STARD3: variants seen among roughly 807,000 people sequenced by gnomAD.
STARD3 encodes stAR-related lipid transfer protein 3.
In STARD3, 39 loss-of-function variants were observed where a neutral mutation model predicts 62.0. That is an observed-to-expected ratio of 0.63 (90% CI 0.49 to 0.82). The LOEUF is 0.82. Among genes scored for constraint, STARD3 ranks in the 40% least tolerant of loss-of-function variants. STARD3 has a pLI of 0.00. For missense variants in STARD3, 543 were observed against 584.5 expected (o/e 0.93, Z 0.73); for synonymous variants, 229 against 242.4 (o/e 0.94, Z 0.51).
At chr17:39,656,246 T>G (rs771992531) in intron 2 of STARD3, among the ~76,000 whole-genome samples, 18 of 152,250 alleles carry the variant, frequency 1.2e-4, no homozygotes, top group Non-Finnish European at 2.4e-4. Flanking sequence ...GCTCCTGGGC[T>G]CCATCGCCCA....
chr17:39,660,696 G>A lies in STARD3; in HGVS notation c.955-114G>A, dbSNP rs576165197. ...AGGGCAGGAGGAGTGCTCATCAGGC[G>A]CTGCCCAGGGCCTGCCTGTGGCAAT... On this transcript the variant is annotated intron_variant, in intron 11 of 14. Coordinates refer to ENST00000336308, the MANE Select transcript of STARD3 (RefSeq NM_006804.4). This position sits in a 1 kb window ranked among gnomAD's most constrained non-coding sequence, Gnocchi z 4.8. 36 of 1,370,086 alleles carry A rather than the reference G, an allele frequency of 2.6e-5. No homozygotes were observed. Among genetic ancestry groups the A allele is most frequent in the South Asian group, 9.1e-5 (7 of 76,628 alleles). 84.9% of individuals were successfully genotyped at this position (1,370,086 alleles called of 1,614,324 possible).
chr17:39,658,570 C>G (rs777210953), intron 6 of STARD3, 48 bp downstream of exon 6: 3 of 1,587,900 alleles, frequency 1.9e-6, no homozygotes, highest in Admixed American at 3.4e-5. Context: ...CCCACAGCCC[C>G]AAGAGAGGGG....
At chr17:39,653,371 T>C in intron 1 of STARD3, 110 bp from the exon 2 acceptor site, 1 of 742,178 alleles carries the variant, frequency 1.3e-6, no homozygotes, top group East Asian at 2.7e-5. Context: ...GGCCCTGGGC[T>C]TGGGACCCAG....
chr17:39,659,337 C>T, intron 8 of STARD3, 124 bp from the exon 9 acceptor site: 1 of 1,060,214 alleles, frequency 9.4e-7, no homozygotes, highest in Non-Finnish European at 1.4e-6. Context: ...CAGCCCAGAT[C>T]CCACATGTGG....
chr17:39,662,193 G>A, intron 13 of STARD3, 58 bp from the exon 14 acceptor site: 1 of 1,498,162 alleles, frequency 6.7e-7, no homozygotes, highest in Non-Finnish European at 9.2e-7. Flanking sequence ...GGGGCTGCGG[G>A]GGGGTGTCAG....
intron 1 of STARD3, among the ~76,000 whole-genome samples, chr17:39,649,057 G>A (rs1167563490): frequency 1.3e-5 from 2 of 152,190 alleles, no homozygotes; most frequent in African/African-American, 2.4e-5. Context: ...GAAATGTGGA[G>A]AAAGTGGGAG....
chr17:39,646,041 A>C (rs1185673649), intron 1 of STARD3, among the ~76,000 whole-genome samples: 1 of 149,972 alleles, frequency 6.7e-6, no homozygotes, highest in Non-Finnish European at 1.5e-5. Flanking sequence ...ACAGGTGCAC[A>C]CCACCACACC....
intron 1 of STARD3, among the ~76,000 whole-genome samples, chr17:39,646,020 T>G (rs1010308208): frequency 1.4e-5 from 2 of 147,598 alleles, no homozygotes; most frequent in Non-Finnish European, 1.5e-5. Flanking sequence ...GCCTCCCAAG[T>G]AGTTGGGACT....
chr17:39,657,674 A>C, intron 3 of STARD3, 101 bp from the exon 4 acceptor site: 1 of 1,273,078 alleles, frequency 7.9e-7, no homozygotes, highest in Non-Finnish European at 1.1e-6. Flanking sequence ...GTGCATGCCC[A>C]TAGGAAGGGA....
Position 39,660,554 on chromosome 17 carries a change from G to A in STARD3, c.954+28G>A. Reference sequence around the variant, plus strand: ...GAGCCCAGTCTGGCTGCCTCTTAAGGCACAGATGGGGGCACAGCCACGCCT... The same window carrying A: ...GAGCCCAGTCTGGCTGCCTCTTAAGACACAGATGGGGGCACAGCCACGCCT... On this transcript the variant is annotated intron_variant, in intron 11 of 14. Coordinates refer to ENST00000336308, the MANE Select transcript of STARD3 (RefSeq NM_006804.4). The surrounding 1 kb of genome is among the most constrained non-coding windows in gnomAD (Gnocchi z 4.8). The A allele has an allele frequency of 1.2e-6, 2 of 1,611,192 alleles. No individual in the cohort carries two copies. Among genetic ancestry groups the A allele is most frequent in the Non-Finnish European group, 8.5e-7 (1 of 1,177,838 alleles).
At position 39,660,292 on chromosome 17, in the gene STARD3, T is replaced by C; in HGVS notation, c.858+19T>C. ...CCTGAAGGTGAGTGAGGGGAGCGGGTGTCCTGGAGCCCCAGACAGCACAGG... is the reference window on the plus strand; with the variant it reads ...CCTGAAGGTGAGTGAGGGGAGCGGGCGTCCTGGAGCCCCAGACAGCACAGG... On this transcript the variant is annotated intron_variant, in intron 10 of 14. Coordinates refer to ENST00000336308, the MANE Select transcript of STARD3 (RefSeq NM_006804.4). The surrounding 1 kb of genome is among the most constrained non-coding windows in gnomAD (Gnocchi z 4.8). 1 of 1,613,684 alleles carries C rather than the reference T, an allele frequency of 6.2e-7. No homozygotes were observed. Among genetic ancestry groups the C allele is most frequent in the Non-Finnish European group, 8.5e-7 (1 of 1,179,936 alleles).
intron 1 of STARD3, among the ~76,000 whole-genome samples, chr17:39,645,385 C>T (rs1005865287): frequency 2.6e-5 from 4 of 152,210 alleles, no homozygotes; most frequent in African/African-American, 4.8e-5. Flanking sequence ...TGAACCCACG[C>T]CTTTTGGGGT....
At chr17:39,639,616 A>T (rs2056965474) in intron 1 of STARD3, among the ~76,000 whole-genome samples, 1 of 152,210 alleles carries the variant, frequency 6.6e-6, no homozygotes, top group Admixed American at 6.5e-5. Flanking sequence ...AGACAGAGGC[A>T]GCGTCCTTTG....
Position 39,662,232 on chromosome 17 carries a change from A to G in STARD3, c.1140-19A>G, listed in dbSNP as rs150706291. 3.6e-4 allele frequency: 588 copies of G among 1,611,342 alleles called. 2 individuals are homozygous for G. The East Asian group carries it at 8.1e-3, about 22-fold the overall frequency. On this transcript the variant is annotated intron_variant, in intron 13 of 14. Transcript: ENST00000336308. ...CTCACTCTGTTCCAAAGTCCCCCCAATGATGCCTCTTTCCATAGGGGAGAG... is the reference window on the plus strand; with the variant it reads ...CTCACTCTGTTCCAAAGTCCCCCCAGTGATGCCTCTTTCCATAGGGGAGAG...
At chr17:39,648,347 G>A (rs942664515) in intron 1 of STARD3, among the ~76,000 whole-genome samples, 1 of 151,912 alleles carries the variant, frequency 6.6e-6, no homozygotes, top group Non-Finnish European at 1.5e-5. Flanking sequence ...TGTGCCTGTG[G>A]TCCCAGTTAC....
At chr17:39,653,308 C>T (rs1321330909) in intron 1 of STARD3, 173 bp from the exon 2 acceptor site, 1 of 601,188 alleles carries the variant, frequency 1.7e-6, no homozygotes, top group Non-Finnish European at 3.0e-6. Flanking sequence ...GAATGCTCAA[C>T]CCTGCAGCCT....
At chr17:39,644,105 T>C (rs1374103863) in intron 1 of STARD3, among the ~76,000 whole-genome samples, 1 of 152,128 alleles carries the variant, frequency 6.6e-6, no homozygotes, top group Non-Finnish European at 1.5e-5. Flanking sequence ...GCATTTCCTG[T>C]GGATTATGGG....
intron 1 of STARD3, among the ~76,000 whole-genome samples, chr17:39,648,170 A>G (rs547752926): frequency 6.6e-6 from 1 of 152,306 alleles, no homozygotes; most frequent in South Asian, 2.1e-4. Flanking sequence ...CTGTAGTCCC[A>G]GCTACTCGGG....
intron 1 of STARD3, chr17:39,653,002 G>C (rs1170529377): frequency 5.7e-6 from 1 of 174,280 alleles, no homozygotes; most frequent in Non-Finnish European, 1.2e-5. Context: ...AGTTGCCATG[G>C]ATTAGGGGGT....
Sources: gnomAD v4.1 joint callset for allele counts (sites outside exome capture counted in the v4.1 genomes callset) on GRCh38, gnomAD v4.1.1 for gene constraint, Gnocchi (gnomAD v3.1) non-coding constraint, MANE v1.5 for transcripts, NCBI Gene and HGNC (gene_info 2026-07-23, HGNC 2026-07-21) for gene names.